EFEMP1: variants seen among roughly 807,000 people sequenced by gnomAD.
EFEMP1 encodes EGF-containing fibulin-like extracellular matrix protein 1.
Under a neutral mutation model 65.7 loss-of-function variants are expected in EFEMP1, and 18 were observed. The ratio of observed to expected loss-of-function variants is 0.27; its 90% CI spans 0.19 to 0.41. The LOEUF (loss-of-function observed/expected upper bound fraction) is 0.41, where lower values mean the gene tolerates loss of function less well. Among genes scored for constraint, EFEMP1 ranks in the 10% least tolerant of loss-of-function variants. The pLI is 1.00. For missense variants in EFEMP1, 469 were observed against 624.8 expected, an observed-to-expected ratio of 0.75 and a Z score of 2.66; for synonymous variants, 237 against 219.7, an observed-to-expected ratio of 1.08 and a Z score of -0.70.
chr2:55,877,844 G>A lies in EFEMP1; in HGVS notation c.662C>T (p.Pro221Leu), dbSNP rs771296631. ...CACGCATCTTTGGTGGCAATATGGAGGGATGGTACATTCATCTATGTCTAG... is the reference window on the plus strand; with the variant it reads ...CACGCATCTTTGGTGGCAATATGGAAGGATGGTACATTCATCTATGTCTAG... The part of the protein sequence containing the change: ...QCVDIDECTI[P>L]PYCHQRCVNT... Residue 221 changes from proline to leucine, a missense_variant, in exon 7 of 12, where the codon CCT (proline) becomes CTT (leucine). Transcript: ENST00000355426. This position sits in a 1 kb window ranked among gnomAD's most constrained non-coding sequence, Gnocchi z 4.5. 5.0e-6 allele frequency: 8 copies of A among 1,613,098 alleles called. No homozygotes were observed. The highest frequency in any genetic ancestry group is 1.1e-5 in the South Asian group (1 of 91,078).
Position 55,871,139 on chromosome 2 carries a change from G to A in EFEMP1, c.1001-16C>T, listed in dbSNP as rs747183634. On this transcript the variant is annotated splice_polypyrimidine_tract_variant and intron_variant, in intron 9 of 11. Coordinates refer to ENST00000355426, the MANE Select transcript of EFEMP1 (RefSeq NM_001039348.3). The surrounding 1 kb of genome is among the most constrained non-coding windows in gnomAD (Gnocchi z 4.2). ...TCATTTATATCTGTAGAGATGTAGGGTCAAAGAGTTTACTAACTAAACTAA... is the reference window on the plus strand; with the variant it reads ...TCATTTATATCTGTAGAGATGTAGGATCAAAGAGTTTACTAACTAAACTAA... 6.2e-7 allele frequency: 1 copy of A among 1,613,214 alleles called. No individual in the cohort carries two copies. The highest frequency in any genetic ancestry group is 2.2e-5 in the East Asian group (1 of 44,862).
chr2:55,921,953 A>T lies in EFEMP1; in HGVS notation c.81+407T>A, dbSNP rs886950472. ...TACACAAAGAAGGCCATGTGTCTTT[A>T]TGGTGTTTAACGTTCTTACTTGACT... On this transcript the variant is annotated intron_variant, in intron 3 of 11. Transcript: ENST00000355426. This position sits in a 1 kb window ranked among gnomAD's most constrained non-coding sequence, Gnocchi z 4.1. 3.1e-5 allele frequency: 8 copies of T among 256,424 alleles called. No individual in the cohort carries two copies. The highest frequency in any genetic ancestry group is 1.8e-4 in the African/African-American group (8 of 45,128). The allele number at this position is 256,424 out of a possible 1,614,324, so 15.9% of individuals were successfully genotyped here.
intron 6 of EFEMP1, among the ~76,000 whole-genome samples, chr2:55,878,194 A>T (rs994097919): frequency 6.6e-6 from 1 of 152,186 alleles, no homozygotes; most frequent in Non-Finnish European, 1.5e-5. Flanking sequence ...TTACAGAAGT[A>T]AAAAAGAACT....
rs1171858627 is a variant in EFEMP1 at position 55,866,132 on chromosome 2, C to A, written c.*941G>T. Reference sequence around the variant, plus strand: ...GGATGCCAGGAATAAAAACCATCATCATTTTCTTCCTCTGTGAGCATCAAG... The same window carrying A: ...GGATGCCAGGAATAAAAACCATCATAATTTTCTTCCTCTGTGAGCATCAAG... On this transcript the variant is annotated 3_prime_UTR_variant, in exon 12 of 12. Transcript: ENST00000355426. 1.3e-5 allele frequency: 2 copies of A among 152,160 alleles called. No homozygotes were observed. Among genetic ancestry groups the A allele is most frequent in the African/African-American group, 4.8e-5 (2 of 41,440 alleles). The allele number at this position is 152,160 out of a possible 1,614,324, so 9.4% of individuals were successfully genotyped here.
chr2:55,906,674 C>T (rs889558740), intron 5 of EFEMP1, among the ~76,000 whole-genome samples: 10 of 152,144 alleles, frequency 6.6e-5, no homozygotes, highest in Non-Finnish European at 1.3e-4. Context: ...TAATGAATGA[C>T]TGGAATTTTC....
In EFEMP1 at chr2:55,923,694, C is replaced by G. The variant is rs1378265109; in HGVS notation, c.-49+17G>C. 1 of 985,610 alleles carries G rather than the reference C, an allele frequency of 1.0e-6. No individual in the cohort carries two copies. The highest frequency in any genetic ancestry group is 1.2e-6 in the Non-Finnish European group (1 of 830,286). 61.1% of individuals were successfully genotyped at this position (985,610 alleles called of 1,614,324 possible). On this transcript the variant is annotated intron_variant, in intron 1 of 11. Coordinates refer to ENST00000355426, the MANE Select transcript of EFEMP1 (RefSeq NM_001039348.3). This position sits in a 1 kb window ranked among gnomAD's most constrained non-coding sequence, Gnocchi z 5.3. The stretch of plus-strand genomic sequence containing the variant: ...TACTGGGCTCGCTCGGGGCGACCCC[C>G]CGTTGGGGGCTCCTACCTGTGCGGC...
At chr2:55,879,351 G>A (rs1364094697) in intron 6 of EFEMP1, among the ~76,000 whole-genome samples, 1 of 152,144 alleles carries the variant, frequency 6.6e-6, no homozygotes, top group African/African-American at 2.4e-5. Context: ...ATCATCAGGT[G>A]CTAGTATTGA....
In EFEMP1 at chr2:55,919,684, A is replaced by C. The variant is rs1277176733; in HGVS notation, c.82-1417T>G. On this transcript the variant is annotated intron_variant, in intron 3 of 11. Transcript: ENST00000355426. This position sits in a 1 kb window ranked among gnomAD's most constrained non-coding sequence, Gnocchi z 4.5. ...GGATGCTTGACAAGGAAATAGCTGA[A>C]TGGAAGCCCAGAGATCCATTTAGAT... Among the ~76,000 whole-genome samples the C allele has an allele frequency of 6.6e-6, 1 of 152,228 alleles. No individual in the cohort carries two copies. Among genetic ancestry groups the C allele is most frequent in the Non-Finnish European group, 1.5e-5 (1 of 68,044 alleles).
At chr2:55,897,751 T>C (rs1178958453) in intron 5 of EFEMP1, among the ~76,000 whole-genome samples, 2 of 152,348 alleles carry the variant, frequency 1.3e-5, no homozygotes, top group Admixed American at 1.3e-4. Flanking sequence ...TATTTTTATA[T>C]AAAAATAACC....
At chr2:55,869,461 A>G (rs1372355975) in intron 11 of EFEMP1, among the ~76,000 whole-genome samples, 1 of 152,152 alleles carries the variant, frequency 6.6e-6, no homozygotes, top group Non-Finnish European at 1.5e-5. Context: ...ATTCAAAAAA[A>G]TAATTGTAAT....
At chr2:55,895,287 T>C (rs1027215973) in intron 5 of EFEMP1, among the ~76,000 whole-genome samples, 2 of 152,240 alleles carry the variant, frequency 1.3e-5, no homozygotes, top group African/African-American at 4.8e-5. Context: ...ACATAACAGA[T>C]GGTTCCATAC....
chr2:55,914,607 T>G (rs1365389435), intron 5 of EFEMP1, among the ~76,000 whole-genome samples: 2 of 152,218 alleles, frequency 1.3e-5, no homozygotes, highest in East Asian at 3.8e-4. Flanking sequence ...TTTCAGTTCT[T>G]ACATTTAAAA....
At chr2:55,895,688 C>A (rs1669801695) in intron 5 of EFEMP1, among the ~76,000 whole-genome samples, 2 of 151,844 alleles carry the variant, frequency 1.3e-5, no homozygotes, top group Admixed American at 1.3e-4. Flanking sequence ...ACTACAGGCG[C>A]CCGCCACCTC....
rs762418853 is a variant in EFEMP1 at position 55,877,746 on chromosome 2, C to A, written c.760G>T (p.Asp254Tyr). The part of the protein sequence containing the change: ...QLAANNYTCV[D>Y]INECDASNQC... ...ATCAGCAAGTTCTCAAAAGGCTTAC[C>A]TACGCAGGTATAGTTGTTTGCTGCC... The change falls in exon 7 of 12, where the codon GAT becomes TAT. Residue 254 changes from aspartate to tyrosine, a missense_variant and splice_region_variant. Around this residue, in one of 3 missense-constraint regions of EFEMP1, gnomAD observed 399 missense variants for 528.2 expected, o/e 0.76. Transcript: ENST00000355426. This position sits in a 1 kb window ranked among gnomAD's most constrained non-coding sequence, Gnocchi z 4.5. 6.2e-7 allele frequency: 1 copy of A among 1,612,942 alleles called. No homozygotes were observed. The highest frequency in any genetic ancestry group is 1.1e-5 in the South Asian group (1 of 91,080).
chr2:55,890,798 A>G (rs1558471714), intron 5 of EFEMP1, among the ~76,000 whole-genome samples: 1 of 152,094 alleles, frequency 6.6e-6, no homozygotes, highest in Non-Finnish European at 1.5e-5. Flanking sequence ...GCCAGCCCAT[A>G]AGAAGGCCCA....
chr2:55,891,970 A>T (rs6761893), intron 5 of EFEMP1, among the ~76,000 whole-genome samples: 74,054 of 151,932 alleles, frequency 0.49, 20,399 homozygotes, highest in East Asian at 0.89. Flanking sequence ...ATAAATTATG[A>T]TGACATAGGC....
intron 5 of EFEMP1, among the ~76,000 whole-genome samples, chr2:55,898,769 A>T (rs940210196): frequency 6.6e-6 from 1 of 152,048 alleles, no homozygotes; most frequent in African/African-American, 2.4e-5. Flanking sequence ...CTGTCTTCCA[A>T]TGGAATTTTC....
intron 5 of EFEMP1, among the ~76,000 whole-genome samples, chr2:55,895,731 C>G (rs1032813845): frequency 1.3e-5 from 2 of 151,538 alleles, no homozygotes; most frequent in Non-Finnish European, 2.9e-5. Flanking sequence ...TTAGTAGAGA[C>G]GGGGTTTCAC....
intron 6 of EFEMP1, among the ~76,000 whole-genome samples, chr2:55,880,723 C>G (rs1364094078): frequency 6.6e-6 from 1 of 152,224 alleles, no homozygotes; most frequent in East Asian, 1.9e-4. Context: ...AATAAATGGA[C>G]AGTCAGAGTT....
Sources: gnomAD v4.1 joint callset for allele counts (sites outside exome capture counted in the v4.1 genomes callset) on GRCh38, gnomAD v4.1.1 for gene constraint, gnomAD v4.1.1 regional missense constraint, Gnocchi (gnomAD v3.1) non-coding constraint, MANE v1.5 for transcripts, NCBI Gene and HGNC (gene_info 2026-07-23, HGNC 2026-07-21) for gene names.